The following ATXN10 variants were observed in gnomAD, a reference collection of about 807,000 sequenced individuals.
ATXN10 encodes the protein ataxin 10.
ATXN10 carries 28 observed loss-of-function variants against 52.9 expected under a neutral mutation model. The observed-to-expected ratio is 0.53, with a 90% CI of 0.39 to 0.73. The LOEUF is 0.73. ATXN10 is among the 30% of genes least tolerant of loss of function. ATXN10 has a pLI of 0.00. For synonymous variants in ATXN10, 226 were observed against 221.5 expected, an observed-to-expected ratio of 1.02 and a Z score of -0.18; for missense variants, 565 against 577.0, an observed-to-expected ratio of 0.98 and a Z score of 0.21.
At position 45,732,282 on chromosome 22, in the gene ATXN10, C is replaced by T. The variant is rs1436308591; in HGVS notation, c.894+2692C>T. ...CAGCCTGGGCAACATAAGGAGACTC[C>T]ATCTGTACAAAAAAAAAACACAAAG... On this transcript the variant is annotated intron_variant, in intron 7 of 11. Coordinates refer to ENST00000252934, the MANE Select transcript of ATXN10 (RefSeq NM_013236.4). The surrounding 1 kb of genome is among the most constrained non-coding windows in gnomAD (Gnocchi z 4.5). Among the ~76,000 whole-genome samples, 1 of 148,288 alleles carries T rather than the reference C, an allele frequency of 6.7e-6. No individual in the cohort carries two copies. The highest frequency in any genetic ancestry group is 2.6e-5 in the African/African-American group (1 of 38,356).
chr22:45,736,822 CTG>C (rs1373160791), intron 7 of ATXN10, among the ~76,000 whole-genome samples: 1 of 152,078 alleles, frequency 6.6e-6, no homozygotes, highest in Non-Finnish European at 1.5e-5. Flanking sequence ...TTGGTTGTCT[CTG>C]TGATATTAGC....
intron 1 of ATXN10, chr22:45,674,683 C>A (rs1922611823): frequency 6.6e-6 from 1 of 152,098 alleles, no homozygotes; most frequent in African/African-American, 2.4e-5. Flanking sequence ...GTGGACGAGA[C>A]AAAAAGCCAG....
rs1335604037 is a variant in ATXN10, at chr22:45,773,561, C to T, written c.1173+33023C>T. 3.9e-5 allele frequency among the ~76,000 whole-genome samples: 6 copies of T among 152,006 alleles called. 1 individual carries two copies. Among genetic ancestry groups the T allele is most frequent in the Admixed American group, 6.6e-5 (1 of 15,258 alleles). ...GCAACCTCCACCTCCCAGGTTCAAGCGATTCTCCTGCCTCAGCCTCCTGAG... is the reference window on the plus strand; with the variant it reads ...GCAACCTCCACCTCCCAGGTTCAAGTGATTCTCCTGCCTCAGCCTCCTGAG... On this transcript the variant is annotated intron_variant, in intron 9 of 11. Coordinates refer to ENST00000252934, the MANE Select transcript of ATXN10 (RefSeq NM_013236.4).
In ATXN10 at chr22:45,844,089, G is replaced by T; in HGVS notation, c.*418G>T. 1 of 185,168 alleles carries T rather than the reference G, an allele frequency of 5.4e-6. No homozygotes were observed. The highest frequency in any genetic ancestry group is 1.1e-5 in the Non-Finnish European group (1 of 88,612). 11.5% of individuals were successfully genotyped at this position (185,168 alleles called of 1,614,324 possible). On this transcript the variant is annotated 3_prime_UTR_variant, in exon 12 of 12. Coordinates refer to ENST00000252934, the MANE Select transcript of ATXN10 (RefSeq NM_013236.4). ...TTGGGTTTTCTGAACTCTGGCAGGCGGTTGAAGTAGTTTCTCACTGTGATT... is the reference window on the plus strand; with the variant it reads ...TTGGGTTTTCTGAACTCTGGCAGGCTGTTGAAGTAGTTTCTCACTGTGATT...
In ATXN10 at chr22:45,732,803, T is replaced by C. The variant is rs1925140654; in HGVS notation, c.894+3213T>C. On this transcript the variant is annotated intron_variant, in intron 7 of 11. Transcript: ENST00000252934. This position sits in a 1 kb window ranked among gnomAD's most constrained non-coding sequence, Gnocchi z 4.5. ...AAATCAGGGTTTTCCACCTGCCTCT[T>C]CCACCCCAGCCATTCTTCTGCCAAA... Among the ~76,000 whole-genome samples the C allele has an allele frequency of 4.6e-5, 7 of 152,216 alleles. 1 individual carries two copies. The highest frequency in any genetic ancestry group is 4.6e-4 in the Admixed American group (7 of 15,278).
chr22:45,723,536 C>T (rs550022748), intron 6 of ATXN10, among the ~76,000 whole-genome samples: 3 of 152,292 alleles, frequency 2.0e-5, no homozygotes, highest in South Asian at 2.1e-4. Context: ...CCTAACTTCC[C>T]GCCTGCTGAG....
chr22:45,709,214 G>A (rs1028114388), intron 5 of ATXN10, among the ~76,000 whole-genome samples: 2 of 152,122 alleles, frequency 1.3e-5, no homozygotes, highest in African/African-American at 2.4e-5. Context: ...CACTTTCATG[G>A]CACTTAGCGC....
intron 6 of ATXN10, among the ~76,000 whole-genome samples, chr22:45,721,446 T>G (rs1924646395): frequency 6.6e-6 from 1 of 152,206 alleles, no homozygotes; most frequent in Admixed American, 6.5e-5. Flanking sequence ...AAACTCTCAG[T>G]GCCTGGCATG....
chr22:45,775,015 C>T lies in ATXN10; in HGVS notation c.1174-31944C>T, dbSNP rs888056105. On this transcript the variant is annotated intron_variant, in intron 9 of 11. Transcript: ENST00000252934. This position sits in a 1 kb window ranked among gnomAD's most constrained non-coding sequence, Gnocchi z 4.7. ...TTTTTGTTTGTTTGTTTTGCCTTTT[C>T]CCCATCCCTTTTTCTGGTAGTTTGT... Among the ~76,000 whole-genome samples the T allele has an allele frequency of 1.3e-5, 2 of 152,192 alleles. No homozygotes were observed. Among genetic ancestry groups the T allele is most frequent in the Non-Finnish European group, 2.9e-5 (2 of 68,032 alleles).
rs1374882919 is a variant in ATXN10 at position 45,824,301 on chromosome 22, ATTAT to A, written c.1237+17287_1237+17290del. Among the ~76,000 whole-genome samples the A allele has an allele frequency of 6.6e-6, 1 of 152,162 alleles. No individual in the cohort carries two copies. The highest frequency in any genetic ancestry group is 1.5e-5 in the Non-Finnish European group (1 of 68,026). ...ACTCACCTTTGAGTTTGATTTAAAT[ATTAT>A]TTATTTAAGATAAGTCTTTCATGAT... On this transcript the variant is annotated intron_variant, in intron 10 of 11. Transcript: ENST00000252934. The surrounding 1 kb of genome is among the most constrained non-coding windows in gnomAD (Gnocchi z 5.2).
chr22:45,711,136 C>G (rs1429220771), intron 5 of ATXN10, among the ~76,000 whole-genome samples: 1 of 152,046 alleles, frequency 6.6e-6, no homozygotes, highest in Admixed American at 6.6e-5. Context: ...CTACCCAAAA[C>G]CCCAGTCAGT....
At chr22:45,695,930 C>G (rs1189417339) in intron 3 of ATXN10, among the ~76,000 whole-genome samples, 1 of 152,094 alleles carries the variant, frequency 6.6e-6, no homozygotes, top group Non-Finnish European at 1.5e-5. Context: ...GGTTTAATTT[C>G]TGTGATTTCC....
intron 9 of ATXN10, among the ~76,000 whole-genome samples, chr22:45,743,444 A>G (rs1925614011): frequency 1.3e-5 from 2 of 152,124 alleles, no homozygotes; most frequent in African/African-American, 2.4e-5. Context: ...GCCTCAAGGG[A>G]TGGAATTCAC....
intron 5 of ATXN10, among the ~76,000 whole-genome samples, chr22:45,716,097 CA>C (rs1330664543): frequency 6.6e-6 from 1 of 151,504 alleles, no homozygotes. Context: ...CTGTCTCTGC[CA>C]AAAAAATAAA....
At position 45,715,506 on chromosome 22, in the gene ATXN10, T is replaced by C. The variant is rs1924411589; in HGVS notation, c.648-2907T>C. On this transcript the variant is annotated intron_variant, in intron 5 of 11. Transcript: ENST00000252934. The surrounding 1 kb of genome is among the most constrained non-coding windows in gnomAD (Gnocchi z 4.4). Reference sequence around the variant, plus strand: ...TAACACAAATTTGTGAACTTTCTTATAACATGAGTTGTTTTTGTTATTTGC... The same window carrying C: ...TAACACAAATTTGTGAACTTTCTTACAACATGAGTTGTTTTTGTTATTTGC... 6.6e-6 allele frequency among the ~76,000 whole-genome samples: 1 copy of C among 152,230 alleles called. No homozygotes were observed. The highest frequency in any genetic ancestry group is 2.1e-4 in the South Asian group (1 of 4,830).
At chr22:45,672,329 T>G in intron 1 of ATXN10, 150 bp downstream of exon 1, 1 of 858,270 alleles carries the variant, frequency 1.2e-6, no homozygotes, top group Non-Finnish European at 1.5e-6. Flanking sequence ...CACCCAGGCC[T>G]CCCGACTCCC....
rs1165668786 is a variant in ATXN10 at position 45,763,820 on chromosome 22, G to A, written c.1173+23282G>A. Among the ~76,000 whole-genome samples, 1 of 152,232 alleles carries A rather than the reference G, an allele frequency of 6.6e-6. No homozygotes were observed. The highest frequency in any genetic ancestry group is 1.5e-5 in the Non-Finnish European group (1 of 68,052). On this transcript the variant is annotated intron_variant, in intron 9 of 11. Coordinates refer to ENST00000252934, the MANE Select transcript of ATXN10 (RefSeq NM_013236.4). This position sits in a 1 kb window ranked among gnomAD's most constrained non-coding sequence, Gnocchi z 6.9. Reference sequence around the variant, plus strand: ...CCATTCTGGTGCTGGGAACAGCATAGCATGGTGGTGGAGTGGGCTCACTGA... The same window carrying A: ...CCATTCTGGTGCTGGGAACAGCATAACATGGTGGTGGAGTGGGCTCACTGA...
intron 1 of ATXN10, among the ~76,000 whole-genome samples, chr22:45,685,305 T>C (rs183745508): frequency 6.6e-6 from 1 of 152,166 alleles, no homozygotes; most frequent in African/African-American, 2.4e-5. Flanking sequence ...ATTCAAAGGA[T>C]TTTTTTGGTT....
chr22:45,835,272 G>A lies in ATXN10; in HGVS notation c.1238-7719G>A, dbSNP rs6006813. On this transcript the variant is annotated intron_variant, in intron 10 of 11. Coordinates refer to ENST00000252934, the MANE Select transcript of ATXN10 (RefSeq NM_013236.4). This position sits in a 1 kb window ranked among gnomAD's most constrained non-coding sequence, Gnocchi z 5.0. ...GCTCATGGGTCCTGCTTTGCCTGGC[G>A]CGGGCGCTTGAGCTTTCACATCTGG... Among the ~76,000 whole-genome samples the A allele has an allele frequency of 3.8e-3, 576 of 152,248 alleles. 3 individuals are homozygous for A. Among genetic ancestry groups the A allele is most frequent in the African/African-American group, 0.013 (537 of 41,538 alleles).
Sources: gnomAD v4.1 joint callset for allele counts (sites outside exome capture counted in the v4.1 genomes callset) on GRCh38, gnomAD v4.1.1 for gene constraint, Gnocchi (gnomAD v3.1) non-coding constraint, MANE v1.5 for transcripts, NCBI Gene and HGNC (gene_info 2026-07-23, HGNC 2026-07-21) for gene names.